NRG1: variants seen among roughly 807,000 people sequenced by gnomAD.
NRG1 encodes the protein pro-neuregulin-1, membrane-bound isoform.
Under a neutral mutation model 63.8 loss-of-function variants are expected in NRG1, and 18 were observed. That is an observed-to-expected ratio of 0.28 (90% CI 0.19 to 0.42). The LOEUF (loss-of-function observed/expected upper bound fraction) is 0.42, where lower values mean the gene tolerates loss of function less well. Among genes scored for constraint, NRG1 ranks in the 10% least tolerant of loss-of-function variants. The pLI, the probability that NRG1 is intolerant of heterozygous loss-of-function variation, is 1.00. For synonymous variants in NRG1, 302 were observed against 301.3 expected (o/e 1.00, Z -0.02); for missense variants, 762 against 814.7 (o/e 0.94, Z 0.79).
intron 1 of NRG1, among the ~76,000 whole-genome samples, chr8:31,735,523 A>C (rs1488850264): frequency 6.6e-6 from 1 of 152,202 alleles, no homozygotes; most frequent in African/African-American, 2.4e-5. Context: ...CAAAAACTGT[A>C]TACTTTAGTC....
At position 32,742,169 on chromosome 8, in the gene NRG1, AT is replaced by A. The variant is rs1826473854; in HGVS notation, c.633-502del. 4 of 1,001,898 alleles carry A rather than the reference AT, an allele frequency of 4.0e-6. No homozygotes were observed. The highest frequency in any genetic ancestry group is 6.3e-6 in the Non-Finnish European group (4 of 638,106). 62.1% of individuals were successfully genotyped at this position (1,001,898 alleles called of 1,614,324 possible). On this transcript the variant is annotated intron_variant, in intron 6 of 11. Transcript: ENST00000356819. The surrounding 1 kb of genome is among the most constrained non-coding windows in gnomAD (Gnocchi z 4.2). The stretch of plus-strand genomic sequence containing the variant: ...TTTACAGCTCAGTCGTAACTGATTC[AT>A]TTTGTTCTAATTATGGCTTAACCTC...
intron 1 of NRG1, among the ~76,000 whole-genome samples, chr8:32,321,149 A>G (rs1468213857): frequency 6.6e-6 from 1 of 152,194 alleles, no homozygotes; most frequent in Non-Finnish European, 1.5e-5. Flanking sequence ...CGTGAGATAT[A>G]GTATCAATTA....
intron 1 of NRG1, among the ~76,000 whole-genome samples, chr8:32,082,924 T>C (rs1030779864): frequency 5.3e-5 from 8 of 152,284 alleles, no homozygotes; most frequent in African/African-American, 1.9e-4. Flanking sequence ...AATACATATG[T>C]CAACATCTCC....
At chr8:31,650,098 C>T (rs1804686323) in intron 1 of NRG1, among the ~76,000 whole-genome samples, 1 of 152,162 alleles carries the variant, frequency 6.6e-6, no homozygotes, top group African/African-American at 2.4e-5. Flanking sequence ...CCACTTCAGC[C>T]TCCCAAGTAG....
intron 1 of NRG1, among the ~76,000 whole-genome samples, chr8:32,179,500 C>G (rs1841200087): frequency 6.6e-6 from 1 of 152,162 alleles, no homozygotes; most frequent in Non-Finnish European, 1.5e-5. Flanking sequence ...ATAGTAAATG[C>G]TGCAAAAGCA....
intron 1 of NRG1, among the ~76,000 whole-genome samples, chr8:32,143,245 G>T (rs567814033): frequency 1.4e-3 from 211 of 151,858 alleles, no homozygotes; most frequent in African/African-American, 2.0e-3. Context: ...TTTTTTTTTG[G>T]GGGGGGAAGA....
At chr8:32,028,315 C>A (rs1044622696) in intron 1 of NRG1, among the ~76,000 whole-genome samples, 3 of 151,942 alleles carry the variant, frequency 2.0e-5, no homozygotes, top group Non-Finnish European at 2.9e-5. Context: ...ACTGGTATTT[C>A]TGATATGTAT....
intron 7 of NRG1, chr8:32,749,353 C>A (rs1828218909): frequency 1.6e-6 from 1 of 621,700 alleles, no homozygotes; most frequent in East Asian, 2.8e-5. Flanking sequence ...GTATTTTGCA[C>A]ACCTCATAAA....
intron 1 of NRG1, among the ~76,000 whole-genome samples, chr8:32,302,941 G>A (rs955044490): frequency 3.9e-5 from 6 of 152,114 alleles, no homozygotes; most frequent in South Asian, 2.1e-4. Context: ...TAGCACTTTC[G>A]GAGGCCGAGG....
intron 1 of NRG1, among the ~76,000 whole-genome samples, chr8:32,587,372 T>G (rs2129534485): frequency 6.6e-6 from 1 of 151,786 alleles, no homozygotes; most frequent in Middle Eastern, 3.4e-3. Context: ...AGTTTGAGAG[T>G]CCTCCAACAG....
chr8:31,704,147 C>T (rs1339875104), intron 1 of NRG1, among the ~76,000 whole-genome samples: 2 of 152,172 alleles, frequency 1.3e-5, no homozygotes, highest in African/African-American at 4.8e-5. Flanking sequence ...CTACAAAGGT[C>T]TAGTCAGATG....
At chr8:32,764,505 T>G (rs1589666126) in exon 12 of NRG1, 1 of 1,100,970 alleles carries the variant, frequency 9.1e-7, no homozygotes, top group East Asian at 2.8e-5. Flanking sequence ...GTTCTGCAAA[T>G]AGAAAACAGG....
At chr8:32,462,439 C>A (rs887118632) in intron 1 of NRG1, among the ~76,000 whole-genome samples, 1 of 152,058 alleles carries the variant, frequency 6.6e-6, no homozygotes, top group African/African-American at 2.4e-5. Context: ...GAAATAAATA[C>A]TATAGGCAAG....
chr8:31,714,859 A>T (rs1298367001), intron 1 of NRG1, among the ~76,000 whole-genome samples: 1 of 152,222 alleles, frequency 6.6e-6, no homozygotes, highest in East Asian at 1.9e-4. Flanking sequence ...AGATATGATT[A>T]AAAAATGAAG....
intron 1 of NRG1, among the ~76,000 whole-genome samples, chr8:32,350,143 C>A (rs1410169180): frequency 6.6e-6 from 1 of 152,122 alleles, no homozygotes; most frequent in African/African-American, 2.4e-5. Context: ...GAGCACCCTC[C>A]TATCTTCTTT....
chr8:31,791,232 A>G (rs1401061980), intron 1 of NRG1, among the ~76,000 whole-genome samples: 3 of 151,876 alleles, frequency 2.0e-5, no homozygotes, highest in Non-Finnish European at 4.4e-5. Context: ...AAAGAAAAAA[A>G]GAAGAGATAG....
At chr8:31,885,603 A>G (rs562257955) in intron 1 of NRG1, among the ~76,000 whole-genome samples, 2 of 152,212 alleles carry the variant, frequency 1.3e-5, no homozygotes, top group African/African-American at 4.8e-5. Flanking sequence ...CATCACATAT[A>G]TTGGTAAGTA....
intron 1 of NRG1, among the ~76,000 whole-genome samples, chr8:32,199,673 A>G (rs956130778): frequency 3.3e-5 from 5 of 152,238 alleles, no homozygotes; most frequent in African/African-American, 1.2e-4. Context: ...GAGAAGTCCA[A>G]TAACATATTT....
intron 1 of NRG1, among the ~76,000 whole-genome samples, chr8:32,577,473 GA>G (rs2129529964): frequency 6.6e-6 from 1 of 152,120 alleles, no homozygotes; most frequent in African/African-American, 2.4e-5. Context: ...CATTTTTTGG[GA>G]AAAACAAAGC....
Sources: allele counts gnomAD v4.1 joint callset (sites outside exome capture counted in the v4.1 genomes callset), GRCh38; gene constraint gnomAD v4.1.1; non-coding constraint Gnocchi (gnomAD v3.1); transcripts MANE v1.5; gene names NCBI Gene and HGNC (gene_info 2026-07-23, HGNC 2026-07-21).